The following MTMR10 variants were observed in gnomAD, a reference collection of about 807,000 sequenced individuals.
MTMR10 encodes myotubularin related protein 10.
Under a neutral mutation model 88.1 loss-of-function variants are expected in MTMR10, and 56 were observed. The observed-to-expected ratio is 0.64, with a 90% CI of 0.51 to 0.79. MTMR10 has a LOEUF of 0.79. MTMR10 is among the 30% of genes least tolerant of loss of function. The pLI is 0.00. For synonymous variants in MTMR10, 380 were observed against 340.9 expected (o/e 1.11, Z -1.26); for missense variants, 883 against 924.7 (o/e 0.95, Z 0.58).
intron 3 of MTMR10, among the ~76,000 whole-genome samples, chr15:30,975,836 A>C (rs2030090400): frequency 6.6e-6 from 1 of 152,204 alleles, no homozygotes; most frequent in Non-Finnish European, 1.5e-5. Context: ...TATTTCATTA[A>C]AGAACAATTA....
intron 2 of MTMR10, among the ~76,000 whole-genome samples, chr15:30,989,438 T>C (rs2031162461): frequency 6.6e-6 from 1 of 152,176 alleles, no homozygotes; most frequent in Non-Finnish European, 1.5e-5. Flanking sequence ...TAATATTTTG[T>C]CCCTATATAA....
At chr15:30,948,868 C>T (rs930827374) in intron 12 of MTMR10, 5 of 193,350 alleles carry the variant, frequency 2.6e-5, no homozygotes, top group Admixed American at 6.0e-5. Context: ...TGGGACTGTT[C>T]ACTACCAACT....
chr15:30,969,510 C>T (rs1387244017), intron 5 of MTMR10, among the ~76,000 whole-genome samples: 2 of 152,116 alleles, frequency 1.3e-5, no homozygotes, highest in Non-Finnish European at 2.9e-5. Flanking sequence ...GCACTTTTCT[C>T]TAGACATTTT....
the MTMR10 span, chr15:30,928,389 T>G: frequency 1.4e-6 from 2 of 1,449,316 alleles, no homozygotes; most frequent in African/African-American, 1.4e-5. Flanking sequence ...TAAAATAAAC[T>G]GGGAATGGCG....
downstream of MTMR10, among the ~76,000 whole-genome samples, chr15:30,935,367 G>A (rs138838729): frequency 6.6e-6 from 1 of 152,042 alleles, no homozygotes; most frequent in African/African-American, 2.4e-5. Flanking sequence ...TGCTAGTAAT[G>A]AATTACAGTA....
At chr15:30,974,272 A>C in intron 5 of MTMR10, 42 bp downstream of exon 5, 1 of 1,417,554 alleles carries the variant, frequency 7.1e-7, no homozygotes, top group Non-Finnish European at 9.3e-7. Context: ...ATCAGTAAAC[A>C]CAGTACAGAA....
intron 2 of MTMR10, among the ~76,000 whole-genome samples, chr15:30,989,695 G>A (rs1269492450): frequency 7.3e-5 from 11 of 151,234 alleles, no homozygotes; most frequent in Admixed American, 7.3e-4. Context: ...CCATTCTCCT[G>A]CCTCAGCCTC....
Position 30,991,250 on chromosome 15 carries a change from A to C in MTMR10, c.60+197T>G, listed in dbSNP as rs546092230. ...TTCGGGCAGAGAATGGCTGCAGAAG[A>C]GTTTTACAAGTTTTCGCCGAGCCAG... On this transcript the variant is annotated intron_variant, in intron 1 of 15. Coordinates refer to ENST00000435680, the MANE Select transcript of MTMR10 (RefSeq NM_017762.3). 2.7e-5 allele frequency: 14 copies of C among 518,392 alleles called. No individual in the cohort carries two copies. In the South Asian group the frequency reaches 4.8e-4, roughly 18 times the overall value. The allele number at this position is 518,392 out of a possible 1,614,324, so 32.1% of individuals were successfully genotyped here.
intron 7 of MTMR10, among the ~76,000 whole-genome samples, chr15:30,960,293 T>C (rs542187817): frequency 3.9e-5 from 6 of 152,132 alleles, no homozygotes; most frequent in Admixed American, 6.5e-5. Context: ...CCAGCCAGCC[T>C]GAGATGGGAT....
At chr15:30,951,926 TG>T in intron 12 of MTMR10, 41 bp downstream of exon 12, 1 of 1,537,184 alleles carries the variant, frequency 6.5e-7, no homozygotes, top group Non-Finnish European at 9.0e-7. Flanking sequence ...CAAGGCTGGC[TG>T]GTATGGTGGT....
chr15:30,935,766 C>T (rs1230428685), downstream of MTMR10, among the ~76,000 whole-genome samples: 1 of 152,132 alleles, frequency 6.6e-6, no homozygotes, highest in Admixed American at 6.5e-5. Flanking sequence ...TTTATGTTGA[C>T]AGTTATTTTT....
chr15:30,949,521 G>A (rs924865872), intron 12 of MTMR10: 1 of 152,120 alleles, frequency 6.6e-6, no homozygotes, highest in Non-Finnish European at 1.5e-5. Flanking sequence ...CAGAAATTCT[G>A]TACACAACAA....
At chr15:30,977,902 T>C (rs1327595214) in intron 2 of MTMR10, among the ~76,000 whole-genome samples, 1 of 152,248 alleles carries the variant, frequency 6.6e-6, no homozygotes, top group Non-Finnish European at 1.5e-5. Flanking sequence ...TTTTAGTAAC[T>C]GCCCCTTAAC....
chr15:30,990,457 A>G (rs975633335), intron 2 of MTMR10, among the ~76,000 whole-genome samples: 3 of 152,236 alleles, frequency 2.0e-5, no homozygotes, highest in African/African-American at 7.2e-5. Flanking sequence ...CACATAATAA[A>G]GGCGTCTTTT....
At chr15:30,927,742 C>G in the MTMR10 span, 1 of 985,750 alleles carries the variant, frequency 1.0e-6, no homozygotes. Flanking sequence ...CCTCCTCTGT[C>G]GGGAGGGCTG....
chr15:30,928,261 A>G, the MTMR10 span: 1 of 1,177,454 alleles, frequency 8.5e-7, no homozygotes, highest in Non-Finnish European at 1.0e-6. Context: ...CATGTTTCTT[A>G]GGTTATTCAC....
intron 14 of MTMR10, chr15:30,943,857 T>C (rs1595907494): frequency 4.1e-6 from 4 of 985,404 alleles, no homozygotes; most frequent in Non-Finnish European, 3.6e-6. Context: ...TTTAGCAATG[T>C]GGAGAAAGGA....
chr15:30,941,073 T>C lies in MTMR10; in HGVS notation c.*397A>G. ...ACTTCCTAAAACCTGCTGGAGGTTT[T>C]ATCAGATGCTCCTAAAAATGACACG... On this transcript the variant is annotated 3_prime_UTR_variant, in exon 16 of 16. Transcript: ENST00000435680. The C allele has an allele frequency of 8.3e-7, 1 of 1,205,892 alleles. No homozygotes were observed. The allele number at this position is 1,205,892 out of a possible 1,614,324, so 74.7% of individuals were successfully genotyped here. A position where few individuals can be genotyped will look rare whatever the true frequency, so the allele number is the denominator to read the frequency against.
At chr15:30,963,642 T>C (rs546635423) in intron 6 of MTMR10, among the ~76,000 whole-genome samples, 2 of 151,718 alleles carry the variant, frequency 1.3e-5, no homozygotes, top group South Asian at 4.2e-4. Flanking sequence ...GTCTCAAAAA[T>C]AAATAGACAG....
Sources: gnomAD v4.1 joint callset for allele counts (sites outside exome capture counted in the v4.1 genomes callset) on GRCh38, gnomAD v4.1.1 for gene constraint, MANE v1.5 for transcripts, NCBI Gene and HGNC (gene_info 2026-07-23, HGNC 2026-07-21) for gene names.